AMPH: variants seen among roughly 807,000 people sequenced by gnomAD.
AMPH encodes the protein amphiphysin, also known as amphiphysin (Stiff-Mann syndrome with breast cancer 128kD autoantigen).
A neutral mutation model predicts 99.1 loss-of-function variants in AMPH; 49 were observed. The observed-to-expected ratio is 0.49, with a 90% confidence interval of 0.39 to 0.63. AMPH has a LOEUF of 0.63. Ranked by LOEUF, AMPH falls within the 20% of genes least tolerant of loss-of-function variation. The pLI, the probability that AMPH is intolerant of heterozygous loss-of-function variation, is 0.00. For missense variants in AMPH, 759 were observed against 863.4 expected, an observed-to-expected ratio of 0.88 and a Z score of 1.52; for synonymous variants, 314 against 317.3, an observed-to-expected ratio of 0.99 and a Z score of 0.11.
At chr7:38,579,819 A>C (rs113754817) in intron 1 of AMPH, among the ~76,000 whole-genome samples, 8 of 152,348 alleles carry the variant, frequency 5.3e-5, no homozygotes, top group African/African-American at 1.9e-4. Flanking sequence ...TACATAACCT[A>C]AATGTAACAT....
chr7:38,628,264 T>C (rs1382472472), intron 1 of AMPH, among the ~76,000 whole-genome samples: 2 of 152,216 alleles, frequency 1.3e-5, no homozygotes, highest in Non-Finnish European at 2.9e-5. Context: ...TAAACATTGT[T>C]TTAAATTTTA....
intron 2 of AMPH, 63 bp downstream of exon 2, chr7:38,534,868 C>T: frequency 7.1e-7 from 1 of 1,405,916 alleles, no homozygotes. Context: ...ATTTTACTTA[C>T]ATACTAAGAC....
Position 38,393,989 on chromosome 7 carries a change from G to T in AMPH, c.1608+16C>A. The T allele has an allele frequency of 3.1e-6, 5 of 1,613,872 alleles. No homozygotes were observed. Among genetic ancestry groups the T allele is most frequent in the Non-Finnish European group, 4.2e-6 (5 of 1,179,824 alleles). On this transcript the variant is annotated intron_variant, in intron 18 of 20. Coordinates refer to ENST00000356264, the MANE Select transcript of AMPH (RefSeq NM_001635.4). The stretch of plus-strand genomic sequence containing the variant: ...ACTTCCCAGGAGCTCCCCTGGCTGC[G>T]ACATGGGACACTCACCTGAGGCACT...
At chr7:38,560,869 G>T (rs1373101870) in intron 1 of AMPH, among the ~76,000 whole-genome samples, 1 of 152,194 alleles carries the variant, frequency 6.6e-6, no homozygotes, top group Non-Finnish European at 1.5e-5. Flanking sequence ...TGAGGCTGAA[G>T]TCTGGCTATT....
At position 38,431,428 on chromosome 7, in the gene AMPH, C is replaced by T. The variant is rs113642065; in HGVS notation, c.1158+761G>A. Among the ~76,000 whole-genome samples, 70 of 152,214 alleles carry T rather than the reference C, an allele frequency of 4.6e-4. 1 individual carries two copies. In the East Asian group the frequency reaches 0.01, roughly 22 times the overall value. ...ATCCCAGCACTTTGGGAGGCCGAGGCGGGCAGATCACAAGGTCAGCAGATC... is the reference window on the plus strand; with the variant it reads ...ATCCCAGCACTTTGGGAGGCCGAGGTGGGCAGATCACAAGGTCAGCAGATC... On this transcript the variant is annotated intron_variant, in intron 13 of 20. Transcript: ENST00000356264.
intron 1 of AMPH, among the ~76,000 whole-genome samples, chr7:38,539,228 G>A (rs1202094735): frequency 6.6e-6 from 1 of 152,190 alleles, no homozygotes; most frequent in Non-Finnish European, 1.5e-5. Flanking sequence ...GTGTCCACTG[G>A]ATTTAGGAAC....
At chr7:38,545,478 C>A (rs566222355) in intron 1 of AMPH, among the ~76,000 whole-genome samples, 2 of 152,138 alleles carry the variant, frequency 1.3e-5, no homozygotes, top group African/African-American at 2.4e-5. Context: ...AATAGTGTGA[C>A]CAGAATTCTC....
chr7:38,408,593 C>CT (rs1785122655), intron 17 of AMPH, among the ~76,000 whole-genome samples: 1 of 151,838 alleles, frequency 6.6e-6, no homozygotes, highest in African/African-American at 2.4e-5. Flanking sequence ...AACCCTGTCT[C>CT]TACTAAAGAT....
intron 2 of AMPH, among the ~76,000 whole-genome samples, chr7:38,532,084 T>C (rs3823590): frequency 0.099 from 15,053 of 152,172 alleles, 1,166 homozygotes; most frequent in East Asian, 0.28. Flanking sequence ...AGGATTCTTC[T>C]CTCCGTAGAG....
chr7:38,428,831 T>C (rs1785885558), intron 14 of AMPH: 2 of 489,630 alleles, frequency 4.1e-6, no homozygotes, highest in East Asian at 6.9e-5. Flanking sequence ...CCTTTTCTAA[T>C]AGGTCAGTTT....
chr7:38,629,544 G>T (rs538905344), intron 1 of AMPH, among the ~76,000 whole-genome samples: 1 of 152,268 alleles, frequency 6.6e-6, no homozygotes, highest in South Asian at 2.1e-4. Flanking sequence ...AAGAGATTAG[G>T]TTTTCTTTTC....
chr7:38,599,272 A>G (rs1382984718), intron 1 of AMPH, among the ~76,000 whole-genome samples: 1 of 152,136 alleles, frequency 6.6e-6, no homozygotes, highest in Non-Finnish European at 1.5e-5. Context: ...TGGTCCATGG[A>G]CTTTCTTCCA....
intron 1 of AMPH, among the ~76,000 whole-genome samples, chr7:38,591,450 GCT>G (rs1792853677): frequency 6.6e-6 from 1 of 151,928 alleles, no homozygotes; most frequent in Non-Finnish European, 1.5e-5. Context: ...ACCATGCCCG[GCT>G]AATTTTGTAT....
In AMPH at chr7:38,491,123, T is replaced by C; in HGVS notation, c.323A>G (p.Asp108Gly). The change falls in exon 5 of 21, where the codon GAC (aspartate) becomes GGC (glycine). Residue 108 changes from aspartate (D) to glycine (G), a missense_variant. By Grantham distance (94) the Asp-to-Gly change is moderately conservative (BLOSUM62 -1). Transcript: ENST00000356264. Reference protein sequence around the residue: ...VGEKCDVLWEDFHQKLVDGSL... With the variant: ...VGEKCDVLWEGFHQKLVDGSL... The stretch of plus-strand genomic sequence containing the variant: ...CCCATCCACGAGTTTTTGATGGAAG[T>C]CTTCCCACAGCACATCACATTTCTA... 6.2e-7 allele frequency: 1 copy of C among 1,612,726 alleles called. No individual in the cohort carries two copies.
chr7:38,562,262 C>A (rs563283543), intron 1 of AMPH, among the ~76,000 whole-genome samples: 1 of 152,242 alleles, frequency 6.6e-6, no homozygotes, highest in East Asian at 1.9e-4. Flanking sequence ...TTCCAATAAA[C>A]CTGACATTCA....
chr7:38,406,429 A>T (rs752054555), intron 17 of AMPH, among the ~76,000 whole-genome samples: 6 of 152,212 alleles, frequency 3.9e-5, no homozygotes, highest in Non-Finnish European at 8.8e-5. Context: ...CAAAACAGAA[A>T]GCTGGTTATT....
At chr7:38,499,904 C>T (rs1205447831) in intron 3 of AMPH, among the ~76,000 whole-genome samples, 4 of 152,174 alleles carry the variant, frequency 2.6e-5, no homozygotes, top group Non-Finnish European at 5.9e-5. Context: ...CCTGTACATA[C>T]TCTCCCTTGC....
At chr7:38,611,342 A>G (rs750896226) in intron 1 of AMPH, among the ~76,000 whole-genome samples, 6 of 152,178 alleles carry the variant, frequency 3.9e-5, no homozygotes, top group Non-Finnish European at 8.8e-5. Flanking sequence ...AATGAGCATA[A>G]AGTTTCAGCT....
At chr7:38,614,194 T>A (rs916069300) in intron 1 of AMPH, among the ~76,000 whole-genome samples, 2 of 152,206 alleles carry the variant, frequency 1.3e-5, no homozygotes, top group East Asian at 3.8e-4. Flanking sequence ...TTATCATATA[T>A]GGGTAGTTAT....
Sources: allele counts gnomAD v4.1 joint callset (sites outside exome capture counted in the v4.1 genomes callset), GRCh38; gene constraint gnomAD v4.1.1; transcripts MANE v1.5; gene names NCBI Gene and HGNC (gene_info 2026-07-23, HGNC 2026-07-21).